ANKH: variants seen among roughly 807,000 people sequenced by gnomAD.
ANKH encodes mineralization regulator ANKH.
In ANKH, 15 loss-of-function variants were observed where a neutral mutation model predicts 49.0. That is an observed-to-expected ratio of 0.31 (90% CI 0.20 to 0.47). ANKH has a LOEUF of 0.47. ANKH is among the 20% of genes least tolerant of loss of function. The pLI, the probability that ANKH is intolerant of heterozygous loss-of-function variation, is 1.00. For missense variants in ANKH, 429 were observed against 652.0 expected, an observed-to-expected ratio of 0.66 and a Z score of 3.72; for synonymous variants, 273 against 260.0, an observed-to-expected ratio of 1.05 and a Z score of -0.48.
intron 1 of ANKH, among the ~76,000 whole-genome samples, chr5:14,818,083 G>GAA (rs1741090974): frequency 1.3e-5 from 1 of 75,278 alleles, no homozygotes. Context: ...AAAAAAAAAA[G>GAA]GAAAAAAAAA....
rs1737335531 is a variant in ANKH, at chr5:14,713,813, T to A, written c.1142-146A>T. 2 of 1,198,346 alleles carry A rather than the reference T, an allele frequency of 1.7e-6. No individual in the cohort carries two copies. The highest frequency in any genetic ancestry group is 2.4e-6 in the Non-Finnish European group (2 of 822,958). The allele number at this position is 1,198,346 out of a possible 1,614,324, so 74.2% of individuals were successfully genotyped here. On this transcript the variant is annotated intron_variant, in intron 9 of 11. Coordinates refer to ENST00000284268, the MANE Select transcript of ANKH (RefSeq NM_054027.6). The surrounding 1 kb of genome is among the most constrained non-coding windows in gnomAD (Gnocchi z 4.4). ...TGAGCCGCTGGCCACCTCATCTTCC[T>A]GCCAGGGTTCCCCATCCCTGCTCCT...
chr5:14,777,559 T>C (rs1389998040), intron 1 of ANKH, among the ~76,000 whole-genome samples: 3 of 152,214 alleles, frequency 2.0e-5, no homozygotes, highest in Non-Finnish European at 2.9e-5. Flanking sequence ...GACGCCAACA[T>C]TGTAAACTTC....
chr5:14,808,107 T>A (rs1042916635), intron 1 of ANKH, among the ~76,000 whole-genome samples: 9 of 152,228 alleles, frequency 5.9e-5, no homozygotes, highest in African/African-American at 1.7e-4. Context: ...ACTGTTTTTT[T>A]AATAAACTTA....
At chr5:14,717,853 C>T (rs1391563388) in intron 8 of ANKH, among the ~76,000 whole-genome samples, 1 of 152,172 alleles carries the variant, frequency 6.6e-6, no homozygotes, top group Admixed American at 6.5e-5. Flanking sequence ...CTCTGATAAA[C>T]ATTTACTTTG....
intron 8 of ANKH, among the ~76,000 whole-genome samples, chr5:14,732,093 T>C (rs1239598384): frequency 3.3e-5 from 5 of 152,168 alleles, no homozygotes; most frequent in Non-Finnish European, 7.4e-5. Context: ...CAACTTCAAA[T>C]TGGTCCTTAC....
intron 1 of ANKH, among the ~76,000 whole-genome samples, chr5:14,807,605 T>C (rs1355431136): frequency 1.3e-5 from 2 of 152,222 alleles, no homozygotes; most frequent in Non-Finnish European, 2.9e-5. Flanking sequence ...CTGACACCTG[T>C]CTTAGATTAT....
At chr5:14,828,840 A>T (rs544437376) in intron 1 of ANKH, among the ~76,000 whole-genome samples, 1 of 152,300 alleles carries the variant, frequency 6.6e-6, no homozygotes, top group Non-Finnish European at 1.5e-5. Flanking sequence ...ATAGGTACAT[A>T]TCTTTAAGGT....
chr5:14,724,298 C>CAAGAGTG (rs1737757169), intron 8 of ANKH, among the ~76,000 whole-genome samples: 1 of 148,850 alleles, frequency 6.7e-6, no homozygotes, highest in Non-Finnish European at 1.5e-5. Context: ...GCCTGGTTAA[C>CAAGAGTG]AAGAGTGAAA....
intron 1 of ANKH, among the ~76,000 whole-genome samples, chr5:14,779,416 C>T (rs1252950294): frequency 5.3e-5 from 8 of 152,192 alleles, no homozygotes; most frequent in African/African-American, 1.9e-4. Context: ...CTGTGCTCTG[C>T]AGCCCCCTGT....
intron 1 of ANKH, among the ~76,000 whole-genome samples, chr5:14,827,996 C>T (rs964157894): frequency 6.6e-6 from 1 of 152,170 alleles, no homozygotes; most frequent in East Asian, 1.9e-4. Context: ...GCACCTGTTC[C>T]GGCATAAGAT....
intron 8 of ANKH, among the ~76,000 whole-genome samples, chr5:14,721,395 A>G (rs968656916): frequency 6.6e-6 from 1 of 152,176 alleles, no homozygotes. Context: ...TTCGCGGGGT[A>G]TCGGAACTGG....
intron 1 of ANKH, among the ~76,000 whole-genome samples, chr5:14,821,097 TAA>T (rs34183956): frequency 2.0e-5 from 3 of 146,908 alleles, no homozygotes; most frequent in African/African-American, 5.0e-5. Context: ...GACCCTGTCT[TAA>T]AAAAAAAAAA....
intron 1 of ANKH, among the ~76,000 whole-genome samples, chr5:14,793,116 A>C (rs1740259243): frequency 7.0e-6 from 1 of 142,200 alleles, no homozygotes; most frequent in African/African-American, 2.6e-5. Flanking sequence ...TATATATTAT[A>C]TATATAAATA....
At chr5:14,820,806 A>C (rs1741176620) in intron 1 of ANKH, among the ~76,000 whole-genome samples, 1 of 152,238 alleles carries the variant, frequency 6.6e-6, no homozygotes. Flanking sequence ...AGAAAAATTT[A>C]AGTTATTACA....
chr5:14,711,207 T>C lies in ANKH; in HGVS notation c.1469A>G (p.Glu490Gly). The C allele has an allele frequency of 6.2e-7, 1 of 1,613,956 alleles. No individual in the cohort carries two copies. ...EVTDIVEMREENE is the reference protein window; with the variant it reads ...EVTDIVEMREGNE ...ATGGCGTCCCGTGCCTTATTCATTCTCCTCTCTCATTTCCACGATGTCTGT... is the reference window on the plus strand; with the variant it reads ...ATGGCGTCCCGTGCCTTATTCATTCCCCTCTCTCATTTCCACGATGTCTGT... Residue 490 changes from glutamate (E) to glycine (G), a missense_variant, in exon 12 of 12, where the codon GAG becomes GGG. Transcript: ENST00000284268.
At chr5:14,785,829 T>C (rs1450349594) in intron 1 of ANKH, among the ~76,000 whole-genome samples, 1 of 151,614 alleles carries the variant, frequency 6.6e-6, no homozygotes, top group African/African-American at 2.4e-5. Context: ...CTGAGGTGGG[T>C]GGATTACAAG....
chr5:14,857,656 A>T (rs1465954136), intron 1 of ANKH, among the ~76,000 whole-genome samples: 2 of 152,194 alleles, frequency 1.3e-5, no homozygotes, highest in East Asian at 3.8e-4. Context: ...TCCATCTCAA[A>T]AAAAAGAAAA....
At position 14,710,514 on chromosome 5, in the gene ANKH, C is replaced by T. The variant is rs899855692; in HGVS notation, c.*683G>A. The T allele has an allele frequency of 1.3e-5, 2 of 154,518 alleles. No individual in the cohort carries two copies. Among genetic ancestry groups the T allele is most frequent in the African/African-American group, 4.8e-5 (2 of 41,456 alleles). The allele number at this position is 154,518 out of a possible 1,614,324, so 9.6% of individuals were successfully genotyped here. ...GTGAAATGCTATCATTCAACCATGT[C>T]AGTTTGCTGCCCCCGGGGCATTTCA... On this transcript the variant is annotated 3_prime_UTR_variant, in exon 12 of 12. Transcript: ENST00000284268.
At chr5:14,802,458 T>C (rs1740593015) in intron 1 of ANKH, among the ~76,000 whole-genome samples, 1 of 152,156 alleles carries the variant, frequency 6.6e-6, no homozygotes, top group Non-Finnish European at 1.5e-5. Flanking sequence ...TTGATCTCTC[T>C]TGACCTTATC....
Sources: gnomAD v4.1 joint callset for allele counts (sites outside exome capture counted in the v4.1 genomes callset) on GRCh38, gnomAD v4.1.1 for gene constraint, Gnocchi (gnomAD v3.1) non-coding constraint, MANE v1.5 for transcripts, NCBI Gene and HGNC (gene_info 2026-07-23, HGNC 2026-07-21) for gene names.